The following KIAA1217 variants were observed in gnomAD, a reference collection of about 807,000 sequenced individuals.
The protein encoded by KIAA1217 is KIAA1217, also known as sickle tail protein homolog.
A neutral mutation model predicts 163.9 loss-of-function variants in KIAA1217; 88 were observed. That is an observed-to-expected ratio of 0.54 (90% CI 0.45 to 0.64). The LOEUF is 0.64. KIAA1217 is among the 30% of genes least tolerant of loss of function. KIAA1217 has a pLI of 0.00. For synonymous variants in KIAA1217, 903 were observed against 923.1 expected, an observed-to-expected ratio of 0.98 and a Z score of 0.39; for missense variants, 2,372 against 2,475.0, an observed-to-expected ratio of 0.96 and a Z score of 0.88.
At chr10:23,952,596 T>C (rs1004307406) in intron 1 of KIAA1217, among the ~76,000 whole-genome samples, 7 of 152,196 alleles carry the variant, frequency 4.6e-5, no homozygotes, top group African/African-American at 1.2e-4. Context: ...AGGGACAAGA[T>C]TGGGAAAATC....
intron 3 of KIAA1217, among the ~76,000 whole-genome samples, chr10:24,431,490 G>A (rs533568354): frequency 6.6e-6 from 1 of 152,248 alleles, no homozygotes; most frequent in Non-Finnish European, 1.5e-5. Context: ...TAGCTCACCT[G>A]GGGCTGGGGA....
chr10:23,983,873 A>T (rs1845868014), intron 1 of KIAA1217, among the ~76,000 whole-genome samples: 1 of 152,234 alleles, frequency 6.6e-6, no homozygotes, highest in Non-Finnish European at 1.5e-5. Flanking sequence ...GCTCTTCTTA[A>T]TATGGGCTTT....
chr10:24,240,498 T>A lies in KIAA1217; in HGVS notation c.354+20589T>A, dbSNP rs149580700. Among the ~76,000 whole-genome samples the A allele has an allele frequency of 2.6e-3, 389 of 152,340 alleles. 3 individuals are homozygous for A. Among genetic ancestry groups the A allele is most frequent in the African/African-American group, 8.9e-3 (372 of 41,568 alleles). ...GCCAGAACTCACATTCATATTAAATTGTTACCACAGTTATTGCAAAACAGT... is the reference window on the plus strand; with the variant it reads ...GCCAGAACTCACATTCATATTAAATAGTTACCACAGTTATTGCAAAACAGT... On this transcript the variant is annotated intron_variant, in intron 2 of 20. Transcript: ENST00000376454.
intron 2 of KIAA1217, among the ~76,000 whole-genome samples, chr10:24,056,963 G>A (rs1327294155): frequency 1.3e-5 from 2 of 151,942 alleles, no homozygotes; most frequent in African/African-American, 4.8e-5. Flanking sequence ...ACAATGAAGA[G>A]AAAACTGACA....
intron 1 of KIAA1217, among the ~76,000 whole-genome samples, chr10:23,696,429 G>A (rs1564344765): frequency 6.6e-6 from 1 of 151,846 alleles, no homozygotes; most frequent in Non-Finnish European, 1.5e-5. Context: ...CTGATACCAA[G>A]TCTACACTTC....
intron 2 of KIAA1217, among the ~76,000 whole-genome samples, chr10:24,109,384 CT>C (rs113325699): frequency 3.0e-4 from 44 of 147,618 alleles, no homozygotes; most frequent in Admixed American, 6.8e-4. Context: ...ACTGTGGTCT[CT>C]TTTTTTTTTG....
At position 23,829,513 on chromosome 10, in the gene KIAA1217, A is replaced by G. The variant is rs12240913; in HGVS notation, c.-321+134279A>G. Among the ~76,000 whole-genome samples, 1,073 of 152,336 alleles carry G rather than the reference A, an allele frequency of 7.0e-3. 19 individuals are homozygous for G. The highest frequency in any genetic ancestry group is 0.025 in the African/African-American group (1,029 of 41,582). On this transcript the variant is annotated intron_variant, in intron 1 of 18. Transcript: ENST00000376462. ...TCTGGAATTTCAGTAAGATTCAGAT[A>G]TGATATATTTGCTCCTTTTTATTAG...
chr10:24,388,607 T>C (rs1193154828), intron 3 of KIAA1217, among the ~76,000 whole-genome samples: 2 of 151,930 alleles, frequency 1.3e-5, no homozygotes, highest in African/African-American at 4.8e-5. Flanking sequence ...GAAACTACCA[T>C]CAGAGTGAAC....
At chr10:24,284,974 T>G (rs775408004) in intron 2 of KIAA1217, among the ~76,000 whole-genome samples, 1 of 152,236 alleles carries the variant, frequency 6.6e-6, no homozygotes, top group African/African-American at 2.4e-5. Context: ...TTGATTTGCA[T>G]TTAATGATCA....
chr10:24,221,638 T>C (rs1033044391), intron 2 of KIAA1217, among the ~76,000 whole-genome samples: 2 of 152,224 alleles, frequency 1.3e-5, no homozygotes, highest in African/African-American at 2.4e-5. Context: ...GACTTCATGT[T>C]TGCTTTTTGT....
chr10:24,009,587 A>G (rs1055876541), intron 2 of KIAA1217, among the ~76,000 whole-genome samples: 1 of 152,142 alleles, frequency 6.6e-6, no homozygotes, highest in African/African-American at 2.4e-5. Flanking sequence ...AGTGTATGTG[A>G]TATCTTTTCA....
chr10:24,093,600 G>C (rs963741074), intron 2 of KIAA1217, among the ~76,000 whole-genome samples: 21 of 151,484 alleles, frequency 1.4e-4, no homozygotes, highest in Non-Finnish European at 2.6e-4. Context: ...CACGGCACTT[G>C]GCACTCAACT....
At chr10:24,307,949 G>A (rs2042196865) in intron 2 of KIAA1217, among the ~76,000 whole-genome samples, 3 of 152,200 alleles carry the variant, frequency 2.0e-5, no homozygotes, top group South Asian at 2.1e-4. Flanking sequence ...GTCACTGCCC[G>A]AGTCATGGGG....
At chr10:23,827,884 G>A (rs539453468) in intron 1 of KIAA1217, among the ~76,000 whole-genome samples, 22 of 152,306 alleles carry the variant, frequency 1.4e-4, no homozygotes, top group African/African-American at 3.8e-4. Flanking sequence ...CCCCTGGGGG[G>A]AGGTGGCCTC....
chr10:23,772,949 A>G (rs1031434767), intron 1 of KIAA1217, among the ~76,000 whole-genome samples: 57 of 152,216 alleles, frequency 3.7e-4, no homozygotes, highest in African/African-American at 1.3e-3. Flanking sequence ...TCAAGGCCCT[A>G]ATTTTGTTTC....
chr10:24,394,207 G>T (rs941638365), intron 3 of KIAA1217, among the ~76,000 whole-genome samples: 1 of 152,142 alleles, frequency 6.6e-6, no homozygotes, highest in Non-Finnish European at 1.5e-5. Context: ...TGAGTTAACT[G>T]CATCCTATCA....
intron 3 of KIAA1217, among the ~76,000 whole-genome samples, chr10:24,390,316 T>G (rs2054683477): frequency 6.6e-6 from 1 of 152,152 alleles, no homozygotes; most frequent in African/African-American, 2.4e-5. Flanking sequence ...CTAGAGAACA[T>G]GGAAGTTCTA....
intron 2 of KIAA1217, among the ~76,000 whole-genome samples, chr10:24,193,773 T>G (rs1013983882): frequency 6.6e-6 from 1 of 151,424 alleles, no homozygotes; most frequent in African/African-American, 2.4e-5. Context: ...ATTTTTTTTT[T>G]TGTATGAACT....
At chr10:23,919,323 C>T (rs529815092) in intron 1 of KIAA1217, among the ~76,000 whole-genome samples, 7 of 152,026 alleles carry the variant, frequency 4.6e-5, no homozygotes, top group African/African-American at 9.6e-5. Context: ...CCCTAATCAT[C>T]GACTGGGTGC....
Sources: gnomAD v4.1 joint callset for allele counts (sites outside exome capture counted in the v4.1 genomes callset) on GRCh38, gnomAD v4.1.1 for gene constraint, MANE v1.5 for transcripts, NCBI Gene and HGNC (gene_info 2026-07-23, HGNC 2026-07-21) for gene names.